Variants in ZNF551 observed in about 807,000 individuals in gnomAD.
ZNF551 encodes zinc finger protein 551.
In ZNF551, 5 loss-of-function variants were observed where a neutral mutation model predicts 7.9. The observed-to-expected ratio is 0.63, with a 90% CI of 0.33 to 1.33. The LOEUF is 1.33. Ranked by LOEUF, ZNF551 falls within the 40% of genes most tolerant of loss-of-function variation. The probability of loss-of-function intolerance (pLI) is 0.05; values close to 1 mark genes in which losing one functional copy is unlikely to be tolerated. For synonymous variants in ZNF551, 287 were observed against 277.3 expected, an observed-to-expected ratio of 1.03 and a Z score of -0.35; for missense variants, 788 against 825.2, an observed-to-expected ratio of 0.95 and a Z score of 0.55.
At position 57,687,218 on chromosome 19, in the gene ZNF551, G is replaced by A; in HGVS notation, c.943G>A (p.Ala315Thr). Reference protein sequence around the residue: ...RPYECSDREKAFIHKSEFIHH... With the variant: ...RPYECSDREKTFIHKSEFIHH... ...TTATGAATGCAGTGATCGTGAGAAAGCCTTTATCCATAAATCTGAATTCAT... is the reference window on the plus strand; with the variant it reads ...TTATGAATGCAGTGATCGTGAGAAAACCTTTATCCATAAATCTGAATTCAT... The change falls in exon 3 of 3, where the codon GCC (alanine) becomes ACC (threonine). Residue 315 changes from alanine to threonine, a missense_variant. By Grantham distance (58) the Ala-to-Thr change is moderately conservative. Transcript: ENST00000282296. 1.2e-6 allele frequency: 2 copies of A among 1,613,318 alleles called. No homozygotes were observed. The highest frequency in any genetic ancestry group is 8.5e-7 in the Non-Finnish European group (1 of 1,179,776).
intron 1 of ZNF551, 80 bp downstream of exon 1, chr19:57,682,324 C>A: frequency 6.9e-7 from 1 of 1,440,820 alleles, no homozygotes. Context: ...CTGCTCACAG[C>A]CCTGCAGCCC....
Position 57,686,767 on chromosome 19 carries a change from G to A in ZNF551, c.492G>A (p.Val164=). 3.1e-6 allele frequency: 5 copies of A among 1,614,220 alleles called. No homozygotes were observed. The highest frequency in any genetic ancestry group is 4.2e-6 in the Non-Finnish European group (5 of 1,180,040). The stretch of plus-strand genomic sequence containing the variant: ...AAGAAGAGCCCTGGAAAAGGAAGGT[G>A]GATGAGGCTACATTTGTGACCGGCT... ...YNEEEPWKRK[V]DEATFVTGCR... Residue 164 remains valine (V), a synonymous_variant, in exon 3 of 3, where the codon GTG becomes GTA. Coordinates refer to ENST00000282296, the MANE Select transcript of ZNF551 (RefSeq NM_138347.5).
chr19:57,688,844 A>G lies in ZNF551; in HGVS notation c.*556A>G, dbSNP rs1415227037. The G allele has an allele frequency of 1.3e-5, 2 of 154,240 alleles. No individual in the cohort carries two copies. The highest frequency in any genetic ancestry group is 2.4e-5 in the African/African-American group (1 of 41,436). The allele number at this position is 154,240 out of a possible 1,614,324, so 9.6% of individuals were successfully genotyped here. A position where few individuals can be genotyped will look rare whatever the true frequency, so the allele number is the denominator to read the frequency against. Reference sequence around the variant, plus strand: ...CATTGCTTTAATTTATAATGTTTTTATAAAGGTTTTAAAAAAATTTACGCA... The same window carrying G: ...CATTGCTTTAATTTATAATGTTTTTGTAAAGGTTTTAAAAAAATTTACGCA... On this transcript the variant is annotated 3_prime_UTR_variant, in exon 3 of 3. Coordinates refer to ENST00000282296, the MANE Select transcript of ZNF551 (RefSeq NM_138347.5).
intron 1 of ZNF551, 142 bp downstream of exon 1, chr19:57,682,386 A>T: frequency 1.2e-6 from 1 of 849,320 alleles, no homozygotes; most frequent in Non-Finnish European, 1.8e-6. Context: ...CCCGTTTGTG[A>T]CGCCCAGTGT....
chr19:57,688,006 C>A lies in ZNF551; in HGVS notation c.1731C>A (p.His577Gln), dbSNP rs1334451171. ...GCCAAAGTGCTAGCCTCATTCAACA[C>A]CAGAGAGTTCACACTGGAGAAAGGC... ...SFSQSASLIQ[H>Q]QRVHTGERPY... Residue 577 changes from histidine (H) to glutamine (Q), a missense_variant, in exon 3 of 3, where the codon CAC becomes CAA. Coordinates refer to ENST00000282296, the MANE Select transcript of ZNF551 (RefSeq NM_138347.5). 1.2e-6 allele frequency: 2 copies of A among 1,613,912 alleles called. No individual in the cohort carries two copies. Among genetic ancestry groups the A allele is most frequent in the South Asian group, 1.1e-5 (1 of 91,084 alleles).
intron 1 of ZNF551, among the ~76,000 whole-genome samples, chr19:57,683,309 C>T (rs1271020875): frequency 1.3e-5 from 2 of 152,120 alleles, no homozygotes; most frequent in African/African-American, 4.8e-5. Context: ...GTAGGGCTGC[C>T]TGAATTTTTA....
Position 57,685,377 on chromosome 19 carries a change from C to T in ZNF551, c.197C>T (p.Thr66Ile). ...DVMLENFAHV[T>I]SLGYCHGMEN... The stretch of plus-strand genomic sequence containing the variant: ...ATGCTGGAGAACTTTGCACATGTAA[C>T]ATCCCTGGGTAAGGCCCTAGCATCC... Residue 66 changes from threonine to isoleucine, a missense_variant, in exon 2 of 3, where the codon ACA (threonine) becomes ATA (isoleucine). Thr to Ile is a moderately conservative substitution (Grantham distance 89). Transcript: ENST00000282296. The T allele has an allele frequency of 6.2e-7, 1 of 1,614,136 alleles. No individual in the cohort carries two copies. The highest frequency in any genetic ancestry group is 8.5e-7 in the Non-Finnish European group (1 of 1,179,986).
At chr19:57,682,614 A>G (rs1443717665) in intron 1 of ZNF551, among the ~76,000 whole-genome samples, 1 of 152,216 alleles carries the variant, frequency 6.6e-6, no homozygotes, top group East Asian at 1.9e-4. Flanking sequence ...AAAGCTATCC[A>G]AAAGTTGCTC....
chr19:57,688,072 C>G lies in ZNF551; in HGVS notation c.1797C>G (p.Ser599Arg). Residue 599 changes from serine (S) to arginine (R), a missense_variant, in exon 3 of 3, where the codon AGC (serine) becomes AGG (arginine). Coordinates refer to ENST00000282296, the MANE Select transcript of ZNF551 (RefSeq NM_138347.5). The part of the protein sequence containing the change: ...CSECGKSFSQ[S>R]SSLIQHQRGH... The stretch of plus-strand genomic sequence containing the variant: ...AATGTGGGAAATCCTTTAGCCAGAG[C>G]TCTAGCCTCATTCAACACCAGAGAG... 6.2e-7 allele frequency: 1 copy of G among 1,609,348 alleles called. No homozygotes were observed. Among genetic ancestry groups the G allele is most frequent in the Non-Finnish European group, 8.5e-7 (1 of 1,178,454 alleles).
chr19:57,681,982 TTCC>T lies in ZNF551; in HGVS notation c.-181_-179del. 1.6e-6 allele frequency: 1 copy of T among 640,834 alleles called. No homozygotes were observed. The highest frequency in any genetic ancestry group is 2.6e-6 in the Non-Finnish European group (1 of 380,888). 39.7% of individuals were successfully genotyped at this position (640,834 alleles called of 1,614,324 possible). A position where few individuals can be genotyped will look rare whatever the true frequency, so the allele number is the denominator to read the frequency against. On this transcript the variant is annotated 5_prime_UTR_variant, in exon 1 of 3. Coordinates refer to ENST00000282296, the MANE Select transcript of ZNF551 (RefSeq NM_138347.5). The stretch of plus-strand genomic sequence containing the variant: ...CACGCGCAGCGCGACGGGCCGGAAC[TTCC>T]GGCGTCCTCCTCGTGGCGGTCATTT...
At position 57,687,464 on chromosome 19, in the gene ZNF551, G is replaced by C; in HGVS notation, c.1189G>C (p.Gly397Arg). ...GERPYQCCEC[G>R]KSFRQIFNLI... ...AAGGCCTTATCAGTGCTGTGAGTGT[G>C]GGAAATCCTTTAGACAAATCTTCAA... Residue 397 changes from glycine to arginine, a missense_variant, in exon 3 of 3, where the codon GGG becomes CGG. Physicochemically the swap from Gly to Arg is moderately radical, Grantham distance 125. Transcript: ENST00000282296. The C allele has an allele frequency of 6.2e-7, 1 of 1,614,028 alleles. No homozygotes were observed.
rs898315954 is a variant in ZNF551, at chr19:57,688,743, C to G, written c.*455C>G. 7.4e-5 allele frequency: 12 copies of G among 162,480 alleles called. No homozygotes were observed. Among genetic ancestry groups the G allele is most frequent in the Admixed American group, 2.9e-4 (5 of 17,486 alleles). The allele number at this position is 162,480 out of a possible 1,614,324, so 10.1% of individuals were successfully genotyped here. ...TTCTAAGGATTACTTTTTTAAGGAA[C>G]ATTGTCGGTCTCACATGATGCTTGT... On this transcript the variant is annotated 3_prime_UTR_variant, in exon 3 of 3. Coordinates refer to ENST00000282296, the MANE Select transcript of ZNF551 (RefSeq NM_138347.5).
chr19:57,690,472 C>T lies in ZNF551; in HGVS notation c.*2184C>T, dbSNP rs1324869363. 1.3e-5 allele frequency: 2 copies of T among 151,236 alleles called. No individual in the cohort carries two copies. Among genetic ancestry groups the T allele is most frequent in the Admixed American group, 6.6e-5 (1 of 15,160 alleles). 9.4% of individuals were successfully genotyped at this position (151,236 alleles called of 1,614,324 possible). ...ATATGTGTGTGTGTATATATATATA[C>T]TTACTGGTTTTCTTCATGCTGTATA... is the stretch of plus-strand genomic sequence containing the variant. On this transcript the variant is annotated 3_prime_UTR_variant, in exon 3 of 3. Coordinates refer to ENST00000282296, the MANE Select transcript of ZNF551 (RefSeq NM_138347.5).
chr19:57,682,641 G>A (rs1038130720), intron 1 of ZNF551, among the ~76,000 whole-genome samples: 5 of 152,228 alleles, frequency 3.3e-5, no homozygotes, highest in African/African-American at 1.2e-4. Flanking sequence ...AGAACAGGCT[G>A]AAGAGAGGTA....
Position 57,686,993 on chromosome 19 carries a change from C to T in ZNF551, c.718C>T (p.Gln240Ter), listed in dbSNP as rs1363840053. The part of the protein sequence containing the change: ...KASSHKHTLV[Q>*]HQSVCSEGGL... ...TTCAAGCCACAAACACACACTTGTT[C>T]AGCATCAGAGTGTCTGTTCTGAAGG... is the stretch of plus-strand genomic sequence containing the variant. Residue 240 changes from glutamine (Q) to a stop codon, truncating the protein, a stop_gained, in exon 3 of 3, where the codon CAG becomes TAG. Transcript: ENST00000282296. LOFTEE classifies it low-confidence loss of function (END_TRUNC). 2 of 1,614,190 alleles carry T rather than the reference C, an allele frequency of 1.2e-6. No homozygotes were observed. Among genetic ancestry groups the T allele is most frequent in the Admixed American group, 1.7e-5 (1 of 60,016 alleles).
In ZNF551 at chr19:57,687,494, A is replaced by G. The variant is rs1568456513; in HGVS notation, c.1219A>G (p.Ile407Val). Reference sequence around the variant, plus strand: ...ATCCTTTAGACAAATCTTCAATCTCATTCGACATAGAAGAGTTCACACTGG... The same window carrying G: ...ATCCTTTAGACAAATCTTCAATCTCGTTCGACATAGAAGAGTTCACACTGG... The part of the protein sequence containing the change: ...GKSFRQIFNL[I>V]RHRRVHTGEM... Residue 407 changes from isoleucine to valine, a missense_variant, in exon 3 of 3, where the codon ATT (isoleucine) becomes GTT (valine). Physicochemically the swap from Ile to Val is conservative, Grantham distance 29 (BLOSUM62 3). Transcript: ENST00000282296. 3 of 1,606,752 alleles carry G rather than the reference A, an allele frequency of 1.9e-6. No homozygotes were observed. Among genetic ancestry groups the G allele is most frequent in the Non-Finnish European group, 2.6e-6 (3 of 1,173,620 alleles).
chr19:57,688,427 G>A lies in ZNF551; in HGVS notation c.*139G>A, dbSNP rs1437259320. On this transcript the variant is annotated 3_prime_UTR_variant, in exon 3 of 3. Coordinates refer to ENST00000282296, the MANE Select transcript of ZNF551 (RefSeq NM_138347.5). Reference sequence around the variant, plus strand: ...GTTTCAGGTATGTGGGAAGCTCTGAGGAGGTTCATTGTAATTTCTAATCTG... The same window carrying A: ...GTTTCAGGTATGTGGGAAGCTCTGAAGAGGTTCATTGTAATTTCTAATCTG... 5.8e-6 allele frequency: 7 copies of A among 1,205,980 alleles called. No homozygotes were observed. The highest frequency in any genetic ancestry group is 8.0e-6 in the Non-Finnish European group (7 of 876,434). The allele number at this position is 1,205,980 out of a possible 1,614,324, so 74.7% of individuals were successfully genotyped here. A position where few individuals can be genotyped will look rare whatever the true frequency, so the allele number is the denominator to read the frequency against.
In ZNF551 at chr19:57,687,081, AC is replaced by A. The variant is rs1196961711; in HGVS notation, c.808del (p.Gln270SerfsTer25). ...AFTCKNTLVQ[H>X]QQIHTGQKMF... ...ACTTGCAAGAACACACTTGTTCAGCACCAGCAAATTCACACTGGACAAAAGA... is the reference window on the plus strand; with the variant it reads ...ACTTGCAAGAACACACTTGTTCAGCACAGCAAATTCACACTGGACAAAAGA... On this transcript the variant is annotated frameshift_variant, in exon 3 of 3. Transcript: ENST00000282296. LOFTEE classifies it low-confidence loss of function (END_TRUNC). 2 of 1,614,244 alleles carry A rather than the reference AC, an allele frequency of 1.2e-6. No homozygotes were observed. Among genetic ancestry groups the A allele is most frequent in the Non-Finnish European group, 1.7e-6 (2 of 1,180,046 alleles).
rs1984555829 is a variant in ZNF551 at position 57,686,490 on chromosome 19, A to G, written c.215A>G (p.His72Arg). ...ATTTCTCTGCTTTCAGGTTATTGCC[A>G]TGGAATGGAGAATGAGGCGATAGCT... ...FAHVTSLGYCHGMENEAIASE... is the reference protein window; with the variant it reads ...FAHVTSLGYCRGMENEAIASE... Residue 72 changes from histidine (H) to arginine (R), a missense_variant, in exon 3 of 3, where the codon CAT becomes CGT. Coordinates refer to ENST00000282296, the MANE Select transcript of ZNF551 (RefSeq NM_138347.5). 1.2e-6 allele frequency: 2 copies of G among 1,602,074 alleles called. No individual in the cohort carries two copies. The highest frequency in any genetic ancestry group is 2.7e-5 in the African/African-American group (2 of 74,664).
Sources: gnomAD v4.1 joint callset for allele counts (sites outside exome capture counted in the v4.1 genomes callset) on GRCh38, gnomAD v4.1.1 for gene constraint, MANE v1.5 for transcripts, NCBI Gene and HGNC (gene_info 2026-07-23, HGNC 2026-07-21) for gene names.